GPATCH8: variants seen among roughly 807,000 people sequenced by gnomAD.
GPATCH8 encodes the protein G patch domain-containing protein 8.
Under a neutral mutation model 118.3 loss-of-function variants are expected in GPATCH8, and 18 were observed. The observed-to-expected ratio is 0.15, with a 90% CI of 0.11 to 0.23. The LOEUF is 0.23. Among genes scored for constraint, GPATCH8 ranks in the 10% least tolerant of loss-of-function variants. The pLI is 1.00. For missense variants in GPATCH8, 1,631 were observed against 1,873.8 expected (o/e 0.87, Z 2.39); for synonymous variants, 659 against 684.7 (o/e 0.96, Z 0.59).
rs139456598 is a variant in GPATCH8, at chr17:44,397,571, C to T, written c.4506G>A (p.Thr1502=). The stretch of plus-strand genomic sequence containing the variant: ...ACCTAGGATCCCATCCCCCAACTCA[C>T]GTGCCATGGCTGGGGGGATGTTGCA... The part of the protein sequence containing the change: ...QDLQHPPSHG[T] Residue 1502 remains threonine, a synonymous_variant, in exon 8 of 8, where the codon ACG becomes ACA. Coordinates refer to ENST00000591680, the MANE Select transcript of GPATCH8 (RefSeq NM_001002909.4). 1.0e-4 allele frequency: 165 copies of T among 1,608,190 alleles called. 1 individual carries two copies. The Middle Eastern group carries it at 3.8e-3, about 37-fold the overall frequency.
At chr17:44,499,972 A>G (rs1365060849) in intron 1 of GPATCH8, among the ~76,000 whole-genome samples, 1 of 152,084 alleles carries the variant, frequency 6.6e-6, no homozygotes, top group East Asian at 1.9e-4. Context: ...TATATCCTCT[A>G]TGACACAATG....
At chr17:44,484,710 T>C (rs1968637146) in intron 1 of GPATCH8, among the ~76,000 whole-genome samples, 1 of 152,232 alleles carries the variant, frequency 6.6e-6, no homozygotes, top group Non-Finnish European at 1.5e-5. Context: ...AGGCTTCTTT[T>C]GGCTGTGAGT....
chr17:44,402,448 G>T (rs2049062173), intron 7 of GPATCH8, among the ~76,000 whole-genome samples: 1 of 151,224 alleles, frequency 6.6e-6, no homozygotes, highest in African/African-American at 2.4e-5. Context: ...TCTAATGTAT[G>T]GCTGTACATG....
intron 1 of GPATCH8, among the ~76,000 whole-genome samples, chr17:44,481,643 T>C (rs1968250157): frequency 6.6e-6 from 1 of 152,214 alleles, no homozygotes; most frequent in African/African-American, 2.4e-5. Flanking sequence ...TGATGAACTG[T>C]ACATGTAAAT....
At chr17:44,450,352 CT>C (rs1230715207) in intron 3 of GPATCH8, among the ~76,000 whole-genome samples, 3 of 152,130 alleles carry the variant, frequency 2.0e-5, no homozygotes, top group African/African-American at 7.2e-5. Flanking sequence ...CAACAATTAC[CT>C]TCTCTAAACA....
chr17:44,502,017 A>T (rs975086748), intron 1 of GPATCH8, among the ~76,000 whole-genome samples: 1 of 152,104 alleles, frequency 6.6e-6, no homozygotes, highest in Non-Finnish European at 1.5e-5. Context: ...TATCCTTAGA[A>T]CATCCTGAGA....
chr17:44,478,938 T>A (rs1967995841), intron 1 of GPATCH8, among the ~76,000 whole-genome samples: 1 of 152,134 alleles, frequency 6.6e-6, no homozygotes, highest in African/African-American at 2.4e-5. Flanking sequence ...CTCAAACTCC[T>A]GGGCTCAAGT....
At chr17:44,403,974 G>A (rs140685434) in intron 7 of GPATCH8, among the ~76,000 whole-genome samples, 1,987 of 152,172 alleles carry the variant, frequency 0.013, 44 homozygotes, top group African/African-American at 0.045. Context: ...GATTACAGGC[G>A]TGAGCCACCG....
intron 2 of GPATCH8, among the ~76,000 whole-genome samples, chr17:44,468,784 A>C (rs1317911090): frequency 1.3e-5 from 2 of 152,074 alleles, no homozygotes; most frequent in East Asian, 3.9e-4. Context: ...GGCTGCTTAT[A>C]ATTTTTTTCT....
chr17:44,486,594 T>G (rs1353886272), intron 1 of GPATCH8: 2 of 152,218 alleles, frequency 1.3e-5, no homozygotes, highest in Admixed American at 6.5e-5. Context: ...ATGTCTTTAA[T>G]TTTTTAGTAT....
chr17:44,412,614 C>T lies in GPATCH8; in HGVS notation c.493-6563G>A, dbSNP rs1268867955. Among the ~76,000 whole-genome samples, 3 of 152,170 alleles carry T rather than the reference C, an allele frequency of 2.0e-5. No homozygotes were observed. The East Asian group carries it at 5.8e-4, about 29-fold the overall frequency. ...GGCCAGGCTGGTCTTGAACTCCTGA[C>T]CTCAGGTGATCCACCTGCCTCTGCC... On this transcript the variant is annotated intron_variant, in intron 6 of 7. Transcript: ENST00000591680.
chr17:44,467,749 T>C (rs138012834), intron 2 of GPATCH8, among the ~76,000 whole-genome samples: 1 of 152,272 alleles, frequency 6.6e-6, no homozygotes, highest in African/African-American at 2.4e-5. Flanking sequence ...TCTCCCTTCC[T>C]ATCAGTAAAA....
At chr17:44,463,904 G>A (rs1290676839) in intron 3 of GPATCH8, among the ~76,000 whole-genome samples, 1 of 152,102 alleles carries the variant, frequency 6.6e-6, no homozygotes, top group East Asian at 1.9e-4. Flanking sequence ...GACCTTGATA[G>A]GAACCTGAGA....
At chr17:44,481,687 A>G (rs528296615) in intron 1 of GPATCH8, among the ~76,000 whole-genome samples, 1 of 152,150 alleles carries the variant, frequency 6.6e-6, no homozygotes, top group African/African-American at 2.4e-5. Flanking sequence ...TTGTACTTAA[A>G]TTTTTTGAAA....
rs1567918050 is a variant in GPATCH8, at chr17:44,397,361, A to C, written c.*207T>G. ...ACACAGAAGAGGGAGGGACAAATTGAGAGGAGGACAGGAAAAAGAAATCCC... is the reference window on the plus strand; with the variant it reads ...ACACAGAAGAGGGAGGGACAAATTGCGAGGAGGACAGGAAAAAGAAATCCC... On this transcript the variant is annotated 3_prime_UTR_variant, in exon 8 of 8. Transcript: ENST00000591680. The C allele has an allele frequency of 5.8e-6, 4 of 687,124 alleles. No individual in the cohort carries two copies. Among genetic ancestry groups the C allele is most frequent in the Middle Eastern group, 3.7e-4 (1 of 2,682 alleles). The allele number at this position is 687,124 out of a possible 1,614,324, so 42.6% of individuals were successfully genotyped here.
chr17:44,400,785 G>A lies in GPATCH8; in HGVS notation c.1292C>T (p.Ala431Val), dbSNP rs2048989893. The A allele has an allele frequency of 6.2e-7, 1 of 1,613,816 alleles. No homozygotes were observed. Among genetic ancestry groups the A allele is most frequent in the Non-Finnish European group, 8.5e-7 (1 of 1,179,850 alleles). The change falls in exon 8 of 8, where the codon GCC becomes GTC. Residue 431 changes from alanine to valine, a missense_variant. Physicochemically the swap from Ala to Val is moderately conservative, Grantham distance 64. This residue lies in a region of GPATCH8 where 405 missense variants were observed against 462.7 expected (regional missense o/e 0.88). Transcript: ENST00000591680. ...AGAACTGCCTTTTTTACTCTCTGGGGCATTCTTTGGGTGTGTAGTATTATC... is the reference window on the plus strand; with the variant it reads ...AGAACTGCCTTTTTTACTCTCTGGGACATTCTTTGGGTGTGTAGTATTATC... Reference protein sequence around the residue: ...DGDNTTHPKNAPESKKGSSPK... With the variant: ...DGDNTTHPKNVPESKKGSSPK...
intron 1 of GPATCH8, among the ~76,000 whole-genome samples, chr17:44,503,056 G>A (rs1323022748): frequency 6.6e-6 from 1 of 152,196 alleles, no homozygotes; most frequent in Non-Finnish European, 1.5e-5. Context: ...CCCTCACACG[G>A]CGCTCAGGCC....
rs752093968 is a variant in GPATCH8 at position 44,396,602 on chromosome 17, A to T, written c.*966T>A. 2 of 442,644 alleles carry T rather than the reference A, an allele frequency of 4.5e-6. No individual in the cohort carries two copies. Among genetic ancestry groups the T allele is most frequent in the Non-Finnish European group, 4.5e-6 (1 of 223,834 alleles). 27.4% of individuals were successfully genotyped at this position (442,644 alleles called of 1,614,324 possible). A position where few individuals can be genotyped will look rare whatever the true frequency, so the allele number is the denominator to read the frequency against. Reference sequence around the variant, plus strand: ...TTTGTTTTCATTTTATAACCTTTAGAGTTTCTTAATTCAACTAGGGCAAAC... The same window carrying T: ...TTTGTTTTCATTTTATAACCTTTAGTGTTTCTTAATTCAACTAGGGCAAAC... On this transcript the variant is annotated 3_prime_UTR_variant, in exon 8 of 8. Transcript: ENST00000591680.
In GPATCH8 at chr17:44,400,357, A is replaced by C; in HGVS notation, c.1720T>G (p.Phe574Val). Residue 574 changes from phenylalanine (F) to valine (V), a missense_variant, in exon 8 of 8, where the codon TTT becomes GTT. Phe to Val is a conservative substitution (Grantham distance 50). Around this residue, in one of 8 missense-constraint regions of GPATCH8, gnomAD observed 405 missense variants for 462.7 expected, o/e 0.88. Transcript: ENST00000591680. ...SISYSCNPLYFDFKLSRNKDA... is the reference protein window; with the variant it reads ...SISYSCNPLYVDFKLSRNKDA... ...TTGTTCCTTGAAAGTTTAAAGTCAA[A>C]ATATAAAGGGTTACAACTGTATGAA... 1 of 1,614,006 alleles carries C rather than the reference A, an allele frequency of 6.2e-7. No individual in the cohort carries two copies. The highest frequency in any genetic ancestry group is 8.5e-7 in the Non-Finnish European group (1 of 1,179,924).
Sources: gnomAD v4.1 joint callset for allele counts (sites outside exome capture counted in the v4.1 genomes callset) on GRCh38, gnomAD v4.1.1 for gene constraint, gnomAD v4.1.1 regional missense constraint, MANE v1.5 for transcripts, NCBI Gene and HGNC (gene_info 2026-07-23, HGNC 2026-07-21) for gene names.